The following ATP6V1E1 variants were observed in gnomAD, a reference collection of about 807,000 sequenced individuals.
ATP6V1E1 encodes the protein ATPase H+ transporting V1 subunit E1.
In ATP6V1E1, 21 loss-of-function variants were observed where a neutral mutation model predicts 35.2. That is an observed-to-expected ratio of 0.60 (90% CI 0.42 to 0.86). ATP6V1E1 has a LOEUF of 0.86. Ranked by LOEUF, ATP6V1E1 falls within the 40% of genes least tolerant of loss-of-function variation. ATP6V1E1 has a pLI of 0.00. For synonymous variants in ATP6V1E1, 83 were observed against 87.8 expected, an observed-to-expected ratio of 0.95 and a Z score of 0.30; for missense variants, 183 against 272.6, an observed-to-expected ratio of 0.67 and a Z score of 2.32.
intron 4 of ATP6V1E1, among the ~76,000 whole-genome samples, chr22:17,612,430 T>G (rs1164375663): frequency 6.6e-6 from 1 of 152,224 alleles, no homozygotes; most frequent in Non-Finnish European, 1.5e-5. Flanking sequence ...GCCTTATTTA[T>G]GATATTCTCC....
chr22:17,613,778 T>C (rs2057827604), intron 2 of ATP6V1E1, among the ~76,000 whole-genome samples: 1 of 151,406 alleles, frequency 6.6e-6, no homozygotes, highest in South Asian at 2.1e-4. Flanking sequence ...TCATCCTGGC[T>C]AACACGGTGA....
chr22:17,605,581 G>T (rs2057782626), intron 4 of ATP6V1E1, among the ~76,000 whole-genome samples: 1 of 151,740 alleles, frequency 6.6e-6, no homozygotes, highest in African/African-American at 2.4e-5. Context: ...TTGGGGAAAT[G>T]ATAATAAAGA....
intron 1 of ATP6V1E1, among the ~76,000 whole-genome samples, chr22:17,620,786 G>A (rs956150596): frequency 2.6e-5 from 4 of 152,044 alleles, no homozygotes; most frequent in East Asian, 1.9e-4. Context: ...TTTACCGGCC[G>A]GGCATGGTGG....
At chr22:17,602,908 T>TG (rs2057768740) in intron 4 of ATP6V1E1, among the ~76,000 whole-genome samples, 1 of 152,156 alleles carries the variant, frequency 6.6e-6, no homozygotes, top group Admixed American at 6.6e-5. Context: ...CACCACTTGT[T>TG]AAATGGAGAA....
At chr22:17,617,898 A>C (rs1325540650) in intron 2 of ATP6V1E1, among the ~76,000 whole-genome samples, 1 of 152,016 alleles carries the variant, frequency 6.6e-6, no homozygotes, top group Non-Finnish European at 1.5e-5. Flanking sequence ...CAACCTCTGC[A>C]TTCTGGGATC....
intron 6 of ATP6V1E1, among the ~76,000 whole-genome samples, chr22:17,599,694 TG>T (rs1203624739): frequency 7.3e-6 from 1 of 137,248 alleles, no homozygotes; most frequent in Non-Finnish European, 1.6e-5. Flanking sequence ...ACGAGGCGGG[TG>T]GATCACCTGA....
At chr22:17,614,005 T>C (rs1390595200) in intron 2 of ATP6V1E1, among the ~76,000 whole-genome samples, 2 of 151,280 alleles carry the variant, frequency 1.3e-5, no homozygotes, top group African/African-American at 4.9e-5. Context: ...CCATAAAATG[T>C]GGTCGAGTAA....
intron 1 of ATP6V1E1, among the ~76,000 whole-genome samples, chr22:17,628,219 G>A (rs2057932237): frequency 6.6e-6 from 1 of 152,140 alleles, no homozygotes; most frequent in Non-Finnish European, 1.5e-5. Context: ...GGCCGCCTCG[G>A]CCTCCCAAAA....
intron 5 of ATP6V1E1, among the ~76,000 whole-genome samples, chr22:17,600,374 T>A (rs1465487042): frequency 6.6e-6 from 1 of 151,696 alleles, no homozygotes; most frequent in African/African-American, 2.4e-5. Flanking sequence ...GAGACGGAGG[T>A]TGAAGTAAAC....
intron 4 of ATP6V1E1, 107 bp from the exon 5 acceptor site, chr22:17,601,288 G>T: frequency 1.2e-6 from 1 of 844,780 alleles, no homozygotes; most frequent in Non-Finnish European, 1.9e-6. Context: ...ACATTTTATT[G>T]CTGGATTTTC....
Position 17,598,327 on chromosome 22 carries a change from C to CAAG in ATP6V1E1, c.436-40_436-39insCTT, listed in dbSNP as rs548212198. On this transcript the variant is annotated intron_variant, in intron 6 of 8. Transcript: ENST00000253413. ...ACACAATGAGAGGTGTCACTAGGAACTATGAAGCAAGTATCCAAAAACTCA... is the reference window on the plus strand; with the variant it reads ...ACACAATGAGAGGTGTCACTAGGAACAAGTATGAAGCAAGTATCCAAAAACTCA... The CAAG allele has an allele frequency of 5.4e-4, 819 of 1,503,266 alleles. 11 individuals carry two copies. The African/African-American group carries it at 0.01, about 19-fold the overall frequency. The allele number at this position is 1,503,266 out of a possible 1,614,324, so 93.1% of individuals were successfully genotyped here.
chr22:17,617,135 G>A (rs1252050053), intron 2 of ATP6V1E1, among the ~76,000 whole-genome samples: 1 of 152,008 alleles, frequency 6.6e-6, no homozygotes. Context: ...GTATTAGTGA[G>A]AGGGAAAATA....
intron 2 of ATP6V1E1, among the ~76,000 whole-genome samples, chr22:17,614,825 C>T (rs970096116): frequency 2.0e-5 from 3 of 150,624 alleles, no homozygotes; most frequent in East Asian, 2.0e-4. Flanking sequence ...AAAAATTAGG[C>T]GGGCGTGGTG....
At chr22:17,618,599 G>C (rs1471568051) in intron 2 of ATP6V1E1, among the ~76,000 whole-genome samples, 1 of 150,038 alleles carries the variant, frequency 6.7e-6, no homozygotes, top group Non-Finnish European at 1.5e-5. Context: ...AGAGAACGGT[G>C]TGAACCTGGG....
chr22:17,609,323 G>A (rs1028597159), intron 4 of ATP6V1E1, among the ~76,000 whole-genome samples: 1 of 151,066 alleles, frequency 6.6e-6, no homozygotes, highest in Non-Finnish European at 1.5e-5. Flanking sequence ...ACCACACCCA[G>A]CTAATTTTTT....
chr22:17,596,861 G>T (rs1396158941), intron 7 of ATP6V1E1, among the ~76,000 whole-genome samples: 1 of 151,952 alleles, frequency 6.6e-6, no homozygotes, highest in South Asian at 2.1e-4. Flanking sequence ...GATGAATTCA[G>T]TCTCCAGGTC....
At chr22:17,625,327 A>G (rs1028371157) in intron 1 of ATP6V1E1, among the ~76,000 whole-genome samples, 2 of 152,122 alleles carry the variant, frequency 1.3e-5, no homozygotes, top group Non-Finnish European at 2.9e-5. Context: ...GTACAATGGC[A>G]TGATCTCGGC....
intron 1 of ATP6V1E1, 119 bp from the exon 2 acceptor site, chr22:17,619,645 G>C (rs1267981284): frequency 1.9e-5 from 16 of 826,560 alleles, no homozygotes; most frequent in South Asian, 5.4e-5. Flanking sequence ...TACCACTCTG[G>C]GGGGCCAAGG....
chr22:17,628,713 G>T lies in ATP6V1E1; in HGVS notation c.-78C>A. 1 of 1,589,682 alleles carries T rather than the reference G, an allele frequency of 6.3e-7. No individual in the cohort carries two copies. Among genetic ancestry groups the T allele is most frequent in the South Asian group, 1.1e-5 (1 of 90,612 alleles). ...GGTGAGGTGAGAGAAATCGGCAAAGGGAACCCCTGCGCAGATCTCGGGTTC... is the reference window on the plus strand; with the variant it reads ...GGTGAGGTGAGAGAAATCGGCAAAGTGAACCCCTGCGCAGATCTCGGGTTC... On this transcript the variant is annotated 5_prime_UTR_variant, in exon 1 of 9. Transcript: ENST00000253413.
Sources: allele counts gnomAD v4.1 joint callset (sites outside exome capture counted in the v4.1 genomes callset), GRCh38; gene constraint gnomAD v4.1.1; transcripts MANE v1.5; gene names NCBI Gene and HGNC (gene_info 2026-07-23, HGNC 2026-07-21).